The following GOLGA3 variants were observed in gnomAD, a reference collection of about 807,000 sequenced individuals.
The protein encoded by GOLGA3 is golgin subfamily A member 3.
A neutral mutation model predicts 169.4 loss-of-function variants in GOLGA3; 75 were observed. That is an observed-to-expected ratio of 0.44 (90% CI 0.37 to 0.54). The LOEUF is 0.54. GOLGA3 is among the 20% of genes least tolerant of loss of function. GOLGA3 has a pLI of 0.00. For missense variants in GOLGA3, 1,899 were observed against 1,930.0 expected (o/e 0.98, Z 0.30); for synonymous variants, 824 against 822.4 (o/e 1.00, Z -0.03).
intron 13 of GOLGA3, among the ~76,000 whole-genome samples, chr12:132,787,874 C>CCG (rs2046007571): frequency 7.8e-6 from 1 of 128,946 alleles, no homozygotes; most frequent in African/African-American, 3.8e-5. Context: ...GACCCCTTCC[C>CCG]GAGACCCCAG....
intron 13 of GOLGA3, among the ~76,000 whole-genome samples, chr12:132,787,772 A>C (rs548395708): frequency 3.2e-3 from 45 of 14,020 alleles, no homozygotes; most frequent in African/African-American, 0.012. Flanking sequence ...CCCGGAGACC[A>C]CGGGACCCCT....
chr12:132,801,585 G>C (rs763985474), intron 8 of GOLGA3, among the ~76,000 whole-genome samples, 182 bp downstream of exon 8: 33 of 152,190 alleles, frequency 2.2e-4, no homozygotes, highest in Non-Finnish European at 4.3e-4. Context: ...GGTTGGGGGG[G>C]GGCCCACGGG....
chr12:132,798,962 A>G (rs960176005), intron 8 of GOLGA3, among the ~76,000 whole-genome samples: 1 of 152,188 alleles, frequency 6.6e-6, no homozygotes, highest in Non-Finnish European at 1.5e-5. Context: ...GCTCAGGCCC[A>G]CGCTGGCCAA....
rs189502582 is a variant in GOLGA3 at position 132,772,167 on chromosome 12, G to A, written c.*938C>T. On this transcript the variant is annotated 3_prime_UTR_variant, in exon 24 of 24. Transcript: ENST00000450791. ...TTCTGACTATCCCTAAATCCTGCAG[G>A]TAAATTATTCCCAACAAATTTTCAA... The A allele has an allele frequency of 6.6e-6, 1 of 152,316 alleles. No individual in the cohort carries two copies. Among genetic ancestry groups the A allele is most frequent in the East Asian group, 1.9e-4 (1 of 5,190 alleles). The allele number at this position is 152,316 out of a possible 1,614,324, so 9.4% of individuals were successfully genotyped here.
intron 9 of GOLGA3, among the ~76,000 whole-genome samples, chr12:132,797,380 CTTCT>C (rs1273709183): frequency 2.0e-5 from 3 of 152,270 alleles, no homozygotes; most frequent in East Asian, 1.9e-4. Flanking sequence ...ACCATTTCTT[CTTCT>C]TTAATTTTTC....
In GOLGA3 at chr12:132,796,470, T is replaced by C. The variant is rs1593298356; in HGVS notation, c.2100+69A>G. 1.9e-5 allele frequency: 28 copies of C among 1,502,982 alleles called. No individual in the cohort carries two copies. The East Asian group carries it at 6.3e-4, about 34-fold the overall frequency. 93.1% of individuals were successfully genotyped at this position (1,502,982 alleles called of 1,614,324 possible). A position where few individuals can be genotyped will look rare whatever the true frequency, so the allele number is the denominator to read the frequency against. ...ACAGCAGAGGACTGCTCGGTCTCCTTGTGTGCAGTCCTGGCTGCTCGGGAT... is the reference window on the plus strand; with the variant it reads ...ACAGCAGAGGACTGCTCGGTCTCCTCGTGTGCAGTCCTGGCTGCTCGGGAT... On this transcript the variant is annotated intron_variant, in intron 10 of 23. Transcript: ENST00000450791.
chr12:132,828,765 C>CCCGAGCCCCGAGGCGCCGCGGCCT (rs1950529949), intron 1 of GOLGA3, 38 bp downstream of exon 1: 3 of 151,900 alleles, frequency 2.0e-5, no homozygotes, highest in African/African-American at 7.3e-5. Flanking sequence ...GGAGCGGGAG[C>CCCGAGCCCCGAGGCGCCGCGGCCT]CCGAGCCCCG....
chr12:132,789,044 T>C lies in GOLGA3; in HGVS notation c.2794A>G (p.Met932Val). The change falls in exon 13 of 24, where the codon ATG becomes GTG. Residue 932 changes from methionine to valine, a missense_variant. Physicochemically the swap from Met to Val is conservative, Grantham distance 21. Transcript: ENST00000450791. ...GGACAGACCTGCAAGTGTGTTTCCA[T>C]CTCGTCTCGCTCCTTCTGCGCCGAC... ...LQSAQKERDE[M>V]ETHLQSLQFD... 6.4e-7 allele frequency: 1 copy of C among 1,550,852 alleles called. No individual in the cohort carries two copies.
At chr12:132,810,129 T>G (rs1480761311) in intron 4 of GOLGA3, among the ~76,000 whole-genome samples, 2 of 152,094 alleles carry the variant, frequency 1.3e-5, no homozygotes, top group Admixed American at 1.3e-4. Flanking sequence ...ACACCTGTAA[T>G]CTCAGCTACT....
intron 12 of GOLGA3, 127 bp downstream of exon 12, chr12:132,791,089 T>C: frequency 6.0e-6 from 1 of 165,898 alleles, no homozygotes; most frequent in South Asian, 1.3e-4. Flanking sequence ...AAAAAAAAAT[T>C]TAAAGAGAAC....
At chr12:132,821,520 A>C (rs924853383) in intron 2 of GOLGA3, among the ~76,000 whole-genome samples, 1 of 152,030 alleles carries the variant, frequency 6.6e-6, no homozygotes, top group Non-Finnish European at 1.5e-5. Flanking sequence ...TTTAGCAGGA[A>C]TGTGCCTGAT....
rs536396209 is a variant in GOLGA3, at chr12:132,771,121, C to A, written c.*1984G>T. ...GTATTATTTCAAAATTAACCCTGTACAAATGATATATTTTGGAAATTCCAA... is the reference window on the plus strand; with the variant it reads ...GTATTATTTCAAAATTAACCCTGTAAAAATGATATATTTTGGAAATTCCAA... On this transcript the variant is annotated 3_prime_UTR_variant, in exon 24 of 24. Transcript: ENST00000450791. The A allele has an allele frequency of 6.6e-6, 1 of 152,530 alleles. No homozygotes were observed. Among genetic ancestry groups the A allele is most frequent in the Non-Finnish European group, 1.5e-5 (1 of 68,026 alleles). The allele number at this position is 152,530 out of a possible 1,614,324, so 9.4% of individuals were successfully genotyped here.
At chr12:132,779,970 C>T (rs1278718613) in intron 18 of GOLGA3, among the ~76,000 whole-genome samples, 1 of 130,266 alleles carries the variant, frequency 7.7e-6, no homozygotes, top group African/African-American at 3.0e-5. Context: ...ACAACCCTTC[C>T]ACGCACAGCC....
chr12:132,820,092 CT>C (rs916969885), intron 2 of GOLGA3, among the ~76,000 whole-genome samples: 1 of 152,076 alleles, frequency 6.6e-6, no homozygotes, highest in African/African-American at 2.4e-5. Flanking sequence ...CAGAAGATCG[CT>C]TGAACCCGGG....
Position 132,773,146 on chromosome 12 carries a change from G to A in GOLGA3, c.4456C>T (p.His1486Tyr). Residue 1486 changes from histidine to tyrosine, a missense_variant, in exon 24 of 24, where the codon CAC becomes TAC. His to Tyr is a moderately conservative substitution (Grantham distance 83). Coordinates refer to ENST00000450791, the MANE Select transcript of GOLGA3 (RefSeq NM_001389683.1). ...HAGPRGDPQRHSQSRASKEGP... is the reference protein window; with the variant it reads ...HAGPRGDPQRYSQSRASKEGP... ...TCTTTGGAAGCCCTGCTCTGACTGT[G>A]TCTCTGTGGGTCGCCGCGTGGGCCG... The A allele has an allele frequency of 1.3e-6, 2 of 1,586,110 alleles. No homozygotes were observed. Among genetic ancestry groups the A allele is most frequent in the African/African-American group, 1.3e-5 (1 of 74,282 alleles).
At chr12:132,782,213 G>T in intron 17 of GOLGA3, 83 bp downstream of exon 17, 1 of 1,263,752 alleles carries the variant, frequency 7.9e-7, no homozygotes, top group Non-Finnish European at 1.2e-6. Flanking sequence ...ACAGGTGACT[G>T]AATCTGGATG....
intron 1 of GOLGA3, 95 bp from the exon 2 acceptor site, chr12:132,822,406 CA>C (rs1338008335): frequency 1.5e-5 from 10 of 659,314 alleles, no homozygotes; most frequent in African/African-American, 3.8e-5. Flanking sequence ...TGCATACGTA[CA>C]AGAAACAAAT....
intron 1 of GOLGA3, chr12:132,826,240 C>CACAA: frequency 1.4e-6 from 1 of 727,626 alleles, no homozygotes; most frequent in Non-Finnish European, 1.9e-6. Context: ...TCTCATTCTC[C>CACAA]AAAAAAAAAA....
At position 132,807,198 on chromosome 12, in the gene GOLGA3, G is replaced by T; in HGVS notation, c.1269C>A (p.Ala423=). Residue 423 remains alanine (A), a synonymous_variant, in exon 6 of 24, where the codon GCC becomes GCA. Coordinates refer to ENST00000450791, the MANE Select transcript of GOLGA3 (RefSeq NM_001389683.1). Reference sequence around the variant, plus strand: ...TTACCTGACTCGCCTCCAGTGACAAGGCTTCCAGCTGTCCTTCGAGTCGCA... The same window carrying T: ...TTACCTGACTCGCCTCCAGTGACAATGCTTCCAGCTGTCCTTCGAGTCGCA... ...EKMRLEGQLE[A]LSLEASQALK... is the part of the protein sequence containing the mutation. 1 of 1,605,878 alleles carries T rather than the reference G, an allele frequency of 6.2e-7. No individual in the cohort carries two copies. The highest frequency in any genetic ancestry group is 1.1e-5 in the South Asian group (1 of 89,350).
Sources: allele counts gnomAD v4.1 joint callset (sites outside exome capture counted in the v4.1 genomes callset), GRCh38; gene constraint gnomAD v4.1.1; transcripts MANE v1.5; gene names NCBI Gene and HGNC (gene_info 2026-07-23, HGNC 2026-07-21).